The following WDR76 variants were observed in gnomAD, a reference collection of about 807,000 sequenced individuals.
WDR76 encodes the protein WD repeat domain 76.
In WDR76, 52 loss-of-function variants were observed where a neutral mutation model predicts 70.2. The observed-to-expected ratio is 0.74, with a 90% CI of 0.59 to 0.93. WDR76 has a LOEUF of 0.93. Ranked by LOEUF, WDR76 falls within the 40% of genes least tolerant of loss-of-function variation. WDR76 has a pLI of 0.00. For synonymous variants in WDR76, 292 were observed against 271.1 expected (o/e 1.08, Z -0.76); for missense variants, 756 against 760.2 (o/e 0.99, Z 0.07).
At chr15:43,828,390 T>C (rs531484079) in intron 2 of WDR76, 24 bp downstream of exon 2, 1 of 1,554,580 alleles carries the variant, frequency 6.4e-7, no homozygotes, top group African/African-American at 1.4e-5. Context: ...TAGTAGCTTG[T>C]TCTGGTTTCT....
At chr15:43,857,508 A>G (rs1003828843) in intron 10 of WDR76, 4 of 985,378 alleles carry the variant, frequency 4.1e-6, no homozygotes, top group Non-Finnish European at 3.6e-6. Flanking sequence ...TTTTTCTAGG[A>G]AGGATTGAAA....
intron 8 of WDR76, among the ~76,000 whole-genome samples, chr15:43,849,437 A>G (rs2140306763): frequency 6.6e-6 from 1 of 152,362 alleles, no homozygotes; most frequent in East Asian, 1.9e-4. Flanking sequence ...AATTTTAAAA[A>G]AGGACCATGC....
intron 2 of WDR76, among the ~76,000 whole-genome samples, chr15:43,834,743 G>A (rs924765036): frequency 6.6e-6 from 1 of 152,052 alleles, no homozygotes; most frequent in African/African-American, 2.4e-5. Context: ...CACTGCCCCT[G>A]GCCAAAAATA....
intron 2 of WDR76, among the ~76,000 whole-genome samples, chr15:43,829,803 G>A (rs2087564810): frequency 6.6e-6 from 1 of 151,914 alleles, no homozygotes; most frequent in Non-Finnish European, 1.5e-5. Context: ...ACCGCGCCTG[G>A]CCTAGCACGG....
chr15:43,828,729 A>G (rs1464706574), intron 2 of WDR76, among the ~76,000 whole-genome samples: 1 of 152,086 alleles, frequency 6.6e-6, no homozygotes, highest in African/African-American at 2.4e-5. Flanking sequence ...GGGACATGGT[A>G]TTGACTGACC....
intron 3 of WDR76, among the ~76,000 whole-genome samples, chr15:43,835,446 G>A (rs2087643828): frequency 6.6e-6 from 1 of 151,824 alleles, no homozygotes; most frequent in South Asian, 2.1e-4. Context: ...CTATGATCAT[G>A]CCACTGCATT....
Position 43,843,910 on chromosome 15 carries a change from C to T in WDR76, c.888C>T (p.Ala296=), listed in dbSNP as rs2087755365. 1.3e-6 allele frequency: 2 copies of T among 1,566,252 alleles called. No individual in the cohort carries two copies. The highest frequency in any genetic ancestry group is 1.2e-5 in the South Asian group (1 of 82,076). The part of the protein sequence containing the change: ...KGLSSIKSYK[A]NLNGMVISED... ...TTTGTAATTTTCTTAGCTACAAAGC[C>T]AATTTAAATGGCATGGTCATTAGTG... Residue 296 remains alanine, a synonymous_variant, in exon 8 of 13, where the codon GCC becomes GCT. Transcript: ENST00000263795.
At chr15:43,862,672 C>T (rs1347546571) in intron 12 of WDR76, among the ~76,000 whole-genome samples, 2 of 151,452 alleles carry the variant, frequency 1.3e-5, no homozygotes, top group Non-Finnish European at 2.9e-5. Context: ...CCATGCCCGG[C>T]GAATTTTTTG....
chr15:43,857,479 T>C, intron 10 of WDR76: 1 of 985,358 alleles, frequency 1.0e-6, no homozygotes, highest in Non-Finnish European at 1.2e-6. Flanking sequence ...GACCTATAAC[T>C]TGTTGGCCTG....
intron 8 of WDR76, 93 bp downstream of exon 8, chr15:43,844,147 C>T (rs1013278954): frequency 3.4e-5 from 40 of 1,187,664 alleles, no homozygotes; most frequent in African/African-American, 6.3e-5. Context: ...ATAAATGTTG[C>T]GTGAGACTTA....
At chr15:43,830,338 G>C (rs1457688310) in intron 2 of WDR76, among the ~76,000 whole-genome samples, 1 of 151,946 alleles carries the variant, frequency 6.6e-6, no homozygotes, top group Non-Finnish European at 1.5e-5. Context: ...TGAAGCAGGT[G>C]GATCACCTGA....
chr15:43,860,553 T>C, intron 11 of WDR76, among the ~76,000 whole-genome samples: 1 of 152,138 alleles, frequency 6.6e-6, no homozygotes, highest in Non-Finnish European at 1.5e-5. Flanking sequence ...GGCATGATCA[T>C]GGCTCACTAC....
chr15:43,828,563 TTGA>T (rs1258092628), intron 2 of WDR76, among the ~76,000 whole-genome samples, 197 bp downstream of exon 2: 20 of 152,244 alleles, frequency 1.3e-4, no homozygotes, highest in Non-Finnish European at 2.2e-4. Context: ...GCTCTTGCTG[TTGA>T]TGTGTCAATG....
intron 2 of WDR76, among the ~76,000 whole-genome samples, chr15:43,829,338 C>A (rs1223359279): frequency 6.6e-6 from 1 of 151,934 alleles, no homozygotes; most frequent in Non-Finnish European, 1.5e-5. Context: ...AGAAAATGAT[C>A]CTAGGGAAAG....
chr15:43,852,530 C>G (rs566273644), intron 9 of WDR76, among the ~76,000 whole-genome samples: 1 of 152,172 alleles, frequency 6.6e-6, no homozygotes, highest in Admixed American at 6.5e-5. Context: ...TGCCACCATG[C>G]CAAGCTAATT....
intron 4 of WDR76, among the ~76,000 whole-genome samples, chr15:43,836,965 G>A (rs754324833): frequency 6.6e-5 from 10 of 151,468 alleles, no homozygotes; most frequent in South Asian, 2.1e-4. Context: ...GCTTGAACCC[G>A]GGAGGCAGAG....
rs974366524 is a variant in WDR76, at chr15:43,868,123, G to T, written c.*1731G>T. The T allele has an allele frequency of 2.6e-5, 4 of 152,148 alleles. No individual in the cohort carries two copies. The highest frequency in any genetic ancestry group is 9.7e-5 in the African/African-American group (4 of 41,428). 9.4% of individuals were successfully genotyped at this position (152,148 alleles called of 1,614,324 possible). A position where few individuals can be genotyped will look rare whatever the true frequency, so the allele number is the denominator to read the frequency against. On this transcript the variant is annotated 3_prime_UTR_variant, in exon 13 of 13. Coordinates refer to ENST00000263795, the MANE Select transcript of WDR76 (RefSeq NM_024908.4). Reference sequence around the variant, plus strand: ...TATTTTCTAGTTGATATAAGTAGAAGAATTGACAAGTGAGATGGAAATGTT... The same window carrying T: ...TATTTTCTAGTTGATATAAGTAGAATAATTGACAAGTGAGATGGAAATGTT...
chr15:43,827,166 C>A, intron 1 of WDR76, 74 bp downstream of exon 1: 3 of 1,601,620 alleles, frequency 1.9e-6, no homozygotes, highest in Non-Finnish European at 2.6e-6. Context: ...GACACAGGCC[C>A]AGGAGGTCGA....
chr15:43,842,124 C>G (rs1252901251), intron 5 of WDR76, among the ~76,000 whole-genome samples: 2 of 152,126 alleles, frequency 1.3e-5, no homozygotes, highest in Non-Finnish European at 2.9e-5. Context: ...CCTCGGCCTG[C>G]CAAAGTGCTG....
Sources: gnomAD v4.1 joint callset for allele counts (sites outside exome capture counted in the v4.1 genomes callset) on GRCh38, gnomAD v4.1.1 for gene constraint, MANE v1.5 for transcripts, NCBI Gene and HGNC (gene_info 2026-07-23, HGNC 2026-07-21) for gene names.